Variants in ASXL1 observed in about 807,000 individuals in gnomAD.
ASXL1 encodes the protein ASXL transcriptional regulator 1, also known as polycomb group protein ASXL1.
In ASXL1, 65 loss-of-function variants were observed where a neutral mutation model predicts 89.1. That is an observed-to-expected ratio of 0.73 (90% CI 0.60 to 0.90). The LOEUF (loss-of-function observed/expected upper bound fraction) is 0.90. Among genes scored for constraint, ASXL1 ranks in the 40% least tolerant of loss-of-function variants. ASXL1 has a pLI of 0.00. For synonymous variants in ASXL1, 739 were observed against 746.9 expected, an observed-to-expected ratio of 0.99 and a Z score of 0.17; for missense variants, 1,786 against 1,942.9, an observed-to-expected ratio of 0.92 and a Z score of 1.52.
intron 4 of ASXL1, among the ~76,000 whole-genome samples, chr20:32,402,584 A>G (rs1278807076): frequency 6.6e-6 from 1 of 152,234 alleles, no homozygotes; most frequent in Non-Finnish European, 1.5e-5. Flanking sequence ...AACAATGTAT[A>G]AGAAATCCAA....
chr20:32,365,420 G>A (rs1286986694), intron 1 of ASXL1, among the ~76,000 whole-genome samples: 4 of 152,128 alleles, frequency 2.6e-5, no homozygotes, highest in African/African-American at 9.7e-5. Flanking sequence ...CCTATCAGAC[G>A]AGATCGGGCA....
chr20:32,394,073 G>T (rs567697818), intron 4 of ASXL1, among the ~76,000 whole-genome samples: 1 of 149,570 alleles, frequency 6.7e-6, no homozygotes, highest in African/African-American at 2.5e-5. Context: ...CGCGATCTCG[G>T]CTCACTGCAA....
intron 4 of ASXL1, among the ~76,000 whole-genome samples, chr20:32,413,672 A>G (rs1039712067): frequency 2.0e-5 from 3 of 152,196 alleles, no homozygotes; most frequent in African/African-American, 7.2e-5. Context: ...TTTCAGTGCT[A>G]AAACTGGAAA....
At chr20:32,372,109 A>T in intron 4 of ASXL1, 2 of 1,341,898 alleles carry the variant, frequency 1.5e-6, no homozygotes, top group Non-Finnish European at 2.0e-6. Context: ...AATTCTTGGC[A>T]TAGTACGTGC....
At position 32,434,722 on chromosome 20, in the gene ASXL1, G is replaced by A. The variant is rs767068655; in HGVS notation, c.2010G>A (p.Glu670=). The A allele has an allele frequency of 1.2e-6, 2 of 1,611,458 alleles. No homozygotes were observed. The highest frequency in any genetic ancestry group is 8.5e-7 in the Non-Finnish European group (1 of 1,179,230). ...GRGSSSGDGG[E]ACGHPEPRGG... ...GCAGCAGCAGTGGTGATGGTGGTGAGGCCTGTGGCCACCCTGAGCCCAGGG... is the reference window on the plus strand; with the variant it reads ...GCAGCAGCAGTGGTGATGGTGGTGAAGCCTGTGGCCACCCTGAGCCCAGGG... The change falls in exon 13 of 13, where the codon GAG becomes GAA. Residue 670 remains glutamate (E), a synonymous_variant. Coordinates refer to ENST00000375687, the MANE Select transcript of ASXL1 (RefSeq NM_015338.6).
intron 4 of ASXL1, among the ~76,000 whole-genome samples, chr20:32,415,664 A>C (rs2049126269): frequency 6.6e-6 from 1 of 152,152 alleles, no homozygotes; most frequent in African/African-American, 2.4e-5. Flanking sequence ...CTCTGCAGCC[A>C]TAAACTTCAA....
intron 4 of ASXL1, among the ~76,000 whole-genome samples, chr20:32,422,478 T>C (rs2049275010): frequency 7.0e-6 from 1 of 142,650 alleles, no homozygotes. Context: ...CATTCAAATA[T>C]CCCAGTGTCT....
intron 8 of ASXL1, chr20:32,431,045 C>T: frequency 3.2e-6 from 2 of 623,386 alleles, no homozygotes; most frequent in Non-Finnish European, 6.0e-6. Flanking sequence ...CTGCCCCTTG[C>T]CTGATTTTCT....
chr20:32,415,877 T>G (rs2049129824), intron 4 of ASXL1, among the ~76,000 whole-genome samples: 1 of 152,128 alleles, frequency 6.6e-6, no homozygotes, highest in Admixed American at 6.5e-5. Context: ...TTTGCCATGT[T>G]TATCCACAAC....
chr20:32,367,880 A>C, intron 3 of ASXL1, 151 bp downstream of exon 3: 1 of 669,480 alleles, frequency 1.5e-6, no homozygotes, highest in Non-Finnish European at 2.7e-6. Flanking sequence ...TAGGAGTCAC[A>C]GAAGAGCTGT....
intron 4 of ASXL1, among the ~76,000 whole-genome samples, chr20:32,379,967 A>G (rs1600494241): frequency 6.6e-6 from 1 of 152,216 alleles, no homozygotes; most frequent in South Asian, 2.1e-4. Context: ...ATATTTTTTA[A>G]AAGTATAAAA....
chr20:32,378,772 TC>T (rs1212292139), intron 4 of ASXL1, among the ~76,000 whole-genome samples: 1 of 151,580 alleles, frequency 6.6e-6, no homozygotes, highest in Non-Finnish European at 1.5e-5. Flanking sequence ...TTAAATAGGG[TC>T]CAGGCCAGGC....
intron 4 of ASXL1, among the ~76,000 whole-genome samples, chr20:32,424,154 A>G (rs528380148): frequency 1.3e-5 from 2 of 152,276 alleles, no homozygotes; most frequent in South Asian, 2.1e-4. Context: ...TTTCTTTTTC[A>G]TTGTTATTTT....
In ASXL1 at chr20:32,431,557, AT is replaced by A. The variant is rs57967589; in HGVS notation, c.883-19del. 1.3e-3 allele frequency: 2,160 copies of A among 1,613,378 alleles called. 5 individuals carry two copies. Among genetic ancestry groups the A allele is most frequent in the Non-Finnish European group, 1.5e-3 (1,743 of 1,179,844 alleles). On this transcript the variant is annotated intron_variant, in intron 9 of 12. Coordinates refer to ENST00000375687, the MANE Select transcript of ASXL1 (RefSeq NM_015338.6). Reference sequence around the variant, plus strand: ...TTCTCTTTTAAGTTTATTTATTAGGATTTTTTTCCCCCTTGATCCTTCTAGG... The same window carrying A: ...TTCTCTTTTAAGTTTATTTATTAGGATTTTTTCCCCCTTGATCCTTCTAGG...
At chr20:32,358,923 C>A (rs2122756124) in intron 1 of ASXL1, 91 bp downstream of exon 1, 1 of 1,301,302 alleles carries the variant, frequency 7.7e-7, no homozygotes, top group South Asian at 1.7e-5. Flanking sequence ...GGGCAAGGCC[C>A]TGCCCACCGC....
chr20:32,394,310 G>C (rs2048724395), intron 4 of ASXL1, among the ~76,000 whole-genome samples: 1 of 151,916 alleles, frequency 6.6e-6, no homozygotes, highest in Admixed American at 6.6e-5. Context: ...CCTAATTTTT[G>C]TATTTTTAGT....
In ASXL1 at chr20:32,411,031, C is replaced by CA. The variant is rs1257482301; in HGVS notation, c.253-17082dup. ...TGGGCAACAGAACAAGACTCTGTCT[C>CA]AAAAAAAAAAAAAAATAAAAAAAAT... is the stretch of plus-strand genomic sequence containing the variant. On this transcript the variant is annotated intron_variant, in intron 4 of 12. Transcript: ENST00000375687. 6.1e-3 allele frequency among the ~76,000 whole-genome samples: 168 copies of CA among 27,676 alleles called. 9 individuals are homozygous for CA. The highest frequency in any genetic ancestry group is 0.024 in the South Asian group (9 of 368). The allele number at this position is 27,676 out of a possible 152,430, so 18.2% of individuals were successfully genotyped here.
chr20:32,407,018 T>A (rs1318643447), intron 4 of ASXL1, among the ~76,000 whole-genome samples: 5 of 152,086 alleles, frequency 3.3e-5, no homozygotes. Context: ...TTAAAAAGAT[T>A]GGTTTGTCTT....
Position 32,364,014 on chromosome 20 carries a change from A to G in ASXL1, c.58-2370A>G, listed in dbSNP as rs1243061242. Among the ~76,000 whole-genome samples the G allele has an allele frequency of 2.0e-5, 3 of 152,178 alleles. No homozygotes were observed. In the South Asian group the frequency reaches 6.2e-4, roughly 32 times the overall value. On this transcript the variant is annotated intron_variant, in intron 1 of 12. Coordinates refer to ENST00000375687, the MANE Select transcript of ASXL1 (RefSeq NM_015338.6). ...ACTTACATTGTCTCTAATCTGTCCA[A>G]CAACTCGAGAGGAAGACATCAGTAT...
Sources: allele counts gnomAD v4.1 joint callset (sites outside exome capture counted in the v4.1 genomes callset), GRCh38; gene constraint gnomAD v4.1.1; transcripts MANE v1.5; gene names NCBI Gene and HGNC (gene_info 2026-07-23, HGNC 2026-07-21).